ZDHHC7: variants seen among roughly 807,000 people sequenced by gnomAD.
ZDHHC7 encodes palmitoyltransferase ZDHHC7.
In ZDHHC7, 12 loss-of-function variants were observed where a neutral mutation model predicts 34.1. The ratio of observed to expected loss-of-function variants is 0.35; its 90% CI spans 0.23 to 0.57. The LOEUF (loss-of-function observed/expected upper bound fraction) is 0.57. Among genes scored for constraint, ZDHHC7 ranks in the 20% least tolerant of loss-of-function variants. ZDHHC7 has a pLI of 0.84. For synonymous variants in ZDHHC7, 185 were observed against 155.4 expected (o/e 1.19, Z -1.42); for missense variants, 388 against 402.7 (o/e 0.96, Z 0.31).
chr16:84,998,261 C>CA (rs537445063), intron 1 of ZDHHC7, among the ~76,000 whole-genome samples: 4,540 of 100,378 alleles, frequency 0.045, 125 homozygotes, highest in African/African-American at 0.092. Context: ...GAGACTGTCT[C>CA]AAAAAAAAAA....
At chr16:84,980,807 C>T (rs1597532854) in intron 4 of ZDHHC7, among the ~76,000 whole-genome samples, 2 of 152,156 alleles carry the variant, frequency 1.3e-5, no homozygotes, top group African/African-American at 4.8e-5. Flanking sequence ...AGAAAGAAAC[C>T]TCACCCCATA....
At chr16:85,004,284 T>C (rs1449163533) in intron 1 of ZDHHC7, among the ~76,000 whole-genome samples, 1 of 151,620 alleles carries the variant, frequency 6.6e-6, no homozygotes, top group African/African-American at 2.4e-5. Context: ...CCTCTAAACC[T>C]ACCCCAAATC....
chr16:84,976,655 C>T, intron 7 of ZDHHC7, 136 bp from the exon 8 acceptor site: 1 of 1,264,922 alleles, frequency 7.9e-7, no homozygotes, highest in Non-Finnish European at 1.1e-6. Flanking sequence ...CTTCCCAGCT[C>T]TGCCCCGATC....
At chr16:84,998,756 T>TTC (rs2143699202) in intron 1 of ZDHHC7, among the ~76,000 whole-genome samples, 1 of 147,260 alleles carries the variant, frequency 6.8e-6, no homozygotes, top group Non-Finnish European at 1.5e-5. Context: ...AACCTTTTTT[T>TTC]TTTTTTTTTT....
intron 1 of ZDHHC7, among the ~76,000 whole-genome samples, chr16:84,999,571 A>T (rs1204994864): frequency 6.6e-6 from 1 of 152,218 alleles, no homozygotes; most frequent in African/African-American, 2.4e-5. Flanking sequence ...AACATGGCTA[A>T]ATCTCAAAAA....
At chr16:84,981,636 G>A (rs972279424) in intron 4 of ZDHHC7, among the ~76,000 whole-genome samples, 7 of 152,204 alleles carry the variant, frequency 4.6e-5, no homozygotes, top group Non-Finnish European at 1.0e-4. Context: ...TCGGGAAGGA[G>A]GGGATCCCTG....
intron 1 of ZDHHC7, among the ~76,000 whole-genome samples, chr16:85,000,600 G>C (rs1026043849): frequency 6.6e-6 from 1 of 152,166 alleles, no homozygotes; most frequent in Admixed American, 6.6e-5. Context: ...ACTTGTCGTT[G>C]CTTTACTGTT....
At chr16:84,998,813 G>C (rs560016659) in intron 1 of ZDHHC7, among the ~76,000 whole-genome samples, 1 of 149,824 alleles carries the variant, frequency 6.7e-6, no homozygotes, top group African/African-American at 2.5e-5. Context: ...GAGTGCAGTG[G>C]CGCGATCTCG....
At chr16:85,000,892 A>G (rs1377471298) in intron 1 of ZDHHC7, among the ~76,000 whole-genome samples, 2 of 152,248 alleles carry the variant, frequency 1.3e-5, no homozygotes, top group African/African-American at 4.8e-5. Context: ...GTGATCAGGG[A>G]GAGAAATGAA....
At chr16:84,987,797 G>C (rs1353055073) in intron 3 of ZDHHC7, among the ~76,000 whole-genome samples, 2 of 152,200 alleles carry the variant, frequency 1.3e-5, no homozygotes, top group Non-Finnish European at 2.9e-5. Flanking sequence ...TCATGCCACA[G>C]CACGATGGAC....
intron 1 of ZDHHC7, among the ~76,000 whole-genome samples, chr16:85,004,060 C>T (rs2072686579): frequency 6.6e-6 from 1 of 152,094 alleles, no homozygotes; most frequent in Non-Finnish European, 1.5e-5. Context: ...AACTCTCAGG[C>T]TGACGATGCA....
At chr16:85,019,767 T>C in the ZDHHC7 span, among the ~76,000 whole-genome samples, 1 of 152,178 alleles carries the variant, frequency 6.6e-6, no homozygotes, top group African/African-American at 2.4e-5. Flanking sequence ...TCAATAGATC[T>C]GCACTGAATG....
chr16:85,018,849 G>A, the ZDHHC7 span, among the ~76,000 whole-genome samples: 2 of 152,136 alleles, frequency 1.3e-5, no homozygotes, highest in Admixed American at 6.5e-5. Context: ...CGGGTGTTTG[G>A]GTTCTTATTT....
intron 3 of ZDHHC7, among the ~76,000 whole-genome samples, chr16:84,983,319 G>A (rs1567494349): frequency 2.0e-5 from 3 of 152,214 alleles, no homozygotes; most frequent in Admixed American, 6.5e-5. Flanking sequence ...CCCTGCTGGA[G>A]CTCCTTAAAA....
rs1452322383 is a variant in ZDHHC7 at position 84,981,865 on chromosome 16, C to A, written c.440+5G>T. 1.2e-6 allele frequency: 2 copies of A among 1,613,710 alleles called. No homozygotes were observed. Among genetic ancestry groups the A allele is most frequent in the Admixed American group, 3.3e-5 (2 of 59,992 alleles). The stretch of plus-strand genomic sequence containing the variant: ...CGCTCGGGTTTAATACAGCAGCGCA[C>A]GTACCTGCAGTGGTGGGCGCGCTCG... On this transcript the variant is annotated splice_donor_5th_base_variant and intron_variant, in intron 4 of 7. Transcript: ENST00000313732.
chr16:85,024,991 C>T, the ZDHHC7 span, among the ~76,000 whole-genome samples: 2 of 152,212 alleles, frequency 1.3e-5, no homozygotes, highest in South Asian at 4.1e-4. Context: ...AGAACCTAAT[C>T]TGAGGCCAGG....
intron 2 of ZDHHC7, among the ~76,000 whole-genome samples, chr16:84,994,478 A>G (rs1179717229): frequency 6.6e-6 from 1 of 152,246 alleles, no homozygotes; most frequent in Non-Finnish European, 1.5e-5. Context: ...CTTTTGTCAG[A>G]GCACAATGTT....
chr16:85,012,380 C>CAA (rs34555910), upstream of ZDHHC7, among the ~76,000 whole-genome samples: 1,374 of 116,466 alleles, frequency 0.012, 13 homozygotes, highest in Middle Eastern at 0.028. Flanking sequence ...TGAACAGTCT[C>CAA]AAAAAAAAAA....
intron 1 of ZDHHC7, among the ~76,000 whole-genome samples, chr16:85,008,207 A>AG (rs1486515559): frequency 1.3e-5 from 2 of 152,016 alleles, no homozygotes; most frequent in Non-Finnish European, 2.9e-5. Flanking sequence ...ATGTAGGGTG[A>AG]GGGGGGAGCT....
Sources: allele counts gnomAD v4.1 joint callset (sites outside exome capture counted in the v4.1 genomes callset), GRCh38; gene constraint gnomAD v4.1.1; transcripts MANE v1.5; gene names NCBI Gene and HGNC (gene_info 2026-07-23, HGNC 2026-07-21).